TNFSF4: variants seen among roughly 807,000 people sequenced by gnomAD.
TNFSF4 encodes TNF superfamily member 4.
In TNFSF4, 4 loss-of-function variants were observed where a neutral mutation model predicts 7.3. The observed-to-expected ratio is 0.55, with a 90% CI of 0.27 to 1.25. The LOEUF (loss-of-function observed/expected upper bound fraction) is 1.25, where lower values mean the gene tolerates loss of function less well. TNFSF4 is among the 50% of genes most tolerant of loss of function. The pLI, the probability that TNFSF4 is intolerant of heterozygous loss-of-function variation, is 0.12. For missense variants in TNFSF4, 181 were observed against 208.8 expected (o/e 0.87, Z 0.82); for synonymous variants, 76 against 83.7 (o/e 0.91, Z 0.50).
At chr1:173,182,750 G>A (rs57928823), downstream of TNFSF4, among the ~76,000 whole-genome samples, 22,620 of 152,186 alleles carry the variant, frequency 0.15, 1,878 homozygotes, top group Middle Eastern at 0.26. Flanking sequence ...TGATGTGGGA[G>A]CATTGATTGA....
chr1:173,231,804 T>A, the TNFSF4 span, among the ~76,000 whole-genome samples: 1 of 152,036 alleles, frequency 6.6e-6, no homozygotes, highest in African/African-American at 2.4e-5. Flanking sequence ...TCACAAGCAT[T>A]CTTATACACC....
At chr1:173,355,215 G>T in the TNFSF4 span, among the ~76,000 whole-genome samples, 1 of 152,164 alleles carries the variant, frequency 6.6e-6, no homozygotes, top group Non-Finnish European at 1.5e-5. Context: ...GGATCCTTGT[G>T]ATGATATTGG....
At chr1:173,288,776 C>T in the TNFSF4 span, among the ~76,000 whole-genome samples, 2 of 151,962 alleles carry the variant, frequency 1.3e-5, no homozygotes, top group Non-Finnish European at 2.9e-5. Context: ...ATAGAAATTT[C>T]AAAATCTTTA....
chr1:173,192,124 C>A (rs1304245559), intron 1 of TNFSF4, among the ~76,000 whole-genome samples: 1 of 152,180 alleles, frequency 6.6e-6, no homozygotes, highest in African/African-American at 2.4e-5. Context: ...TTGCAGTGAG[C>A]CAAGATCACA....
the TNFSF4 span, among the ~76,000 whole-genome samples, chr1:173,373,948 G>C: frequency 5.9e-5 from 9 of 152,308 alleles, no homozygotes; most frequent in African/African-American, 1.9e-4. Context: ...GGAATTTCCA[G>C]GGTGCTAGGG....
the TNFSF4 span, among the ~76,000 whole-genome samples, chr1:173,238,690 AACCACAG>A: frequency 6.7e-6 from 1 of 149,300 alleles, no homozygotes; most frequent in Non-Finnish European, 1.5e-5. Flanking sequence ...TAAAAATCAA[AACCACAG>A]TGAGATCCCA....
chr1:173,438,050 T>G, the TNFSF4 span, among the ~76,000 whole-genome samples: 1 of 152,140 alleles, frequency 6.6e-6, no homozygotes, highest in African/African-American at 2.4e-5. Flanking sequence ...CCTACAAAAC[T>G]GAATCTTTCC....
chr1:173,186,886 T>A (rs764659392), intron 2 of TNFSF4, 21 bp from the exon 3 acceptor site: 3 of 1,508,012 alleles, frequency 2.0e-6, no homozygotes, highest in Non-Finnish European at 2.7e-6. Flanking sequence ...TAGGGGAAAA[T>A]TTGTTTAATT....
the TNFSF4 span, among the ~76,000 whole-genome samples, chr1:173,237,772 G>C: frequency 6.6e-6 from 1 of 152,100 alleles, no homozygotes; most frequent in Non-Finnish European, 1.5e-5. Flanking sequence ...ACAAACAAAT[G>C]TAAGAATATT....
the TNFSF4 span, among the ~76,000 whole-genome samples, chr1:173,299,624 G>A: frequency 1.3e-5 from 2 of 151,916 alleles, no homozygotes; most frequent in African/African-American, 4.8e-5. Flanking sequence ...ACTCATAAGT[G>A]CTTTTTGTAT....
chr1:173,395,344 T>C, the TNFSF4 span, among the ~76,000 whole-genome samples: 2 of 133,108 alleles, frequency 1.5e-5, no homozygotes, highest in East Asian at 2.4e-4. Context: ...CAACCACTTA[T>C]AAGCATCAAA....
chr1:173,338,430 T>C, the TNFSF4 span, among the ~76,000 whole-genome samples: 1 of 152,160 alleles, frequency 6.6e-6, no homozygotes, highest in East Asian at 1.9e-4. Flanking sequence ...CCCATGCTCA[T>C]GAAATTCACT....
the TNFSF4 span, among the ~76,000 whole-genome samples, chr1:173,419,763 A>G: frequency 2.0e-5 from 3 of 152,300 alleles, no homozygotes; most frequent in South Asian, 6.2e-4. Context: ...TCAGGAGGCT[A>G]GGACTGCTTT....
At chr1:173,229,412 G>A in the TNFSF4 span, among the ~76,000 whole-genome samples, 4 of 152,190 alleles carry the variant, frequency 2.6e-5, no homozygotes, top group South Asian at 2.1e-4. Context: ...AGGCCTGCCC[G>A]AAAAGAGCTC....
the TNFSF4 span, among the ~76,000 whole-genome samples, chr1:173,379,823 C>A: frequency 6.6e-6 from 1 of 152,206 alleles, no homozygotes; most frequent in Non-Finnish European, 1.5e-5. Context: ...CACTTTAAAA[C>A]AGACTGTCCA....
chr1:173,398,400 A>ATTTCT, the TNFSF4 span, among the ~76,000 whole-genome samples: 1 of 121,256 alleles, frequency 8.2e-6, no homozygotes, highest in African/African-American at 3.1e-5. Flanking sequence ...CCTCAGTGAT[A>ATTTCT]TTTCTTTTCT....
the TNFSF4 span, among the ~76,000 whole-genome samples, chr1:173,257,177 GC>G: frequency 6.6e-6 from 1 of 152,228 alleles, no homozygotes; most frequent in Non-Finnish European, 1.5e-5. Flanking sequence ...CAGTCTAACT[GC>G]TTTAAACAAC....
chr1:173,269,003 C>A, the TNFSF4 span, among the ~76,000 whole-genome samples: 1 of 152,046 alleles, frequency 6.6e-6, no homozygotes, highest in African/African-American at 2.4e-5. Context: ...TTCATGTCCT[C>A]AATGATGCAG....
the TNFSF4 span, chr1:173,362,840 A>G: frequency 4.5e-6 from 2 of 439,662 alleles, no homozygotes; most frequent in Admixed American, 2.7e-5. Flanking sequence ...CAAGCTGAAC[A>G]TTGGCTGCCA....
Sources: gnomAD v4.1 joint callset for allele counts (sites outside exome capture counted in the v4.1 genomes callset) on GRCh38, gnomAD v4.1.1 for gene constraint, MANE v1.5 for transcripts, NCBI Gene and HGNC (gene_info 2026-07-23, HGNC 2026-07-21) for gene names.